SNCG: variants seen among roughly 807,000 people sequenced by gnomAD.
The protein encoded by SNCG is synuclein gamma.
In SNCG, 13 loss-of-function variants were observed where a neutral mutation model predicts 16.0. That is an observed-to-expected ratio of 0.81 (90% CI 0.53 to 1.29). The LOEUF (loss-of-function observed/expected upper bound fraction) is 1.29. SNCG is among the 50% of genes most tolerant of loss of function. SNCG has a pLI of 0.00. For missense variants in SNCG, 154 were observed against 168.5 expected, an observed-to-expected ratio of 0.91 and a Z score of 0.48; for synonymous variants, 66 against 66.3, an observed-to-expected ratio of 1.00 and a Z score of 0.02.
At chr10:86,957,697 T>C, upstream of SNCG, 1 of 1,323,682 alleles carries the variant, frequency 7.6e-7, no homozygotes, top group Non-Finnish European at 1.0e-6. Context: ...CGGTGGGTCT[T>C]GTCCTGCCCC....
chr10:86,959,930 G>A lies in SNCG; in HGVS notation c.164-71G>A. The A allele has an allele frequency of 6.5e-7, 1 of 1,546,804 alleles. No individual in the cohort carries two copies. Among genetic ancestry groups the A allele is most frequent in the Non-Finnish European group, 8.7e-7 (1 of 1,144,786 alleles). ...GGCTCTGAGCTCCTGGGAAGGGGCT[G>A]CGAGCCTGACTCCAGCAGGCCTGCC... is the stretch of plus-strand genomic sequence containing the variant. On this transcript the variant is annotated intron_variant, in intron 2 of 4. Coordinates refer to ENST00000372017, the MANE Select transcript of SNCG (RefSeq NM_003087.3). This position sits in a 1 kb window ranked among gnomAD's most constrained non-coding sequence, Gnocchi z 4.3.
upstream of SNCG, chr10:86,957,541 T>C: frequency 6.2e-7 from 1 of 1,605,844 alleles, no homozygotes; most frequent in Non-Finnish European, 8.5e-7. Context: ...CTCAGGATCA[T>C]CTTGGTGGTG....
At chr10:86,956,495 G>C (rs2133690584), upstream of SNCG, among the ~76,000 whole-genome samples, 1 of 152,338 alleles carries the variant, frequency 6.6e-6, no homozygotes, top group South Asian at 2.1e-4. Flanking sequence ...TGGTGTGTGG[G>C]GGCAGGAGGG....
chr10:86,957,254 G>GAGAT (rs772026298), upstream of SNCG: 1 of 1,004,866 alleles, frequency 1.0e-6, no homozygotes, highest in Non-Finnish European at 1.5e-6. Flanking sequence ...AGATGGCCCA[G>GAGAT]AGATAGATAC....
upstream of SNCG, chr10:86,957,676 G>A (rs1290296247): frequency 7.3e-7 from 1 of 1,364,052 alleles, no homozygotes; most frequent in African/African-American, 1.5e-5. Context: ...AGTGGCCTGG[G>A]CCGGCCTACC....
intron 3 of SNCG, 120 bp downstream of exon 3, chr10:86,960,248 C>G: frequency 1.0e-6 from 1 of 994,886 alleles, no homozygotes; most frequent in Non-Finnish European, 1.5e-6. Context: ...CGGCTGGCTT[C>G]AGTTTCAGTA....
At chr10:86,962,512 T>C (rs1382702748) in intron 3 of SNCG, 92 bp from the exon 4 acceptor site, 4 of 902,850 alleles carry the variant, frequency 4.4e-6, no homozygotes, top group Non-Finnish European at 5.2e-6. Context: ...CTGCTCCTCC[T>C]TGAGGCCAGG....
At position 86,962,684 on chromosome 10, in the gene SNCG, T is replaced by G. The variant is rs754474651; in HGVS notation, c.363+9T>G. The G allele has an allele frequency of 6.2e-7, 1 of 1,602,118 alleles. No individual in the cohort carries two copies. Among genetic ancestry groups the G allele is most frequent in the Non-Finnish European group, 8.5e-7 (1 of 1,171,050 alleles). The stretch of plus-strand genomic sequence containing the variant: ...AGGAAGTGGCAGAGGAGGTAGGAGC[T>G]GGGCTCCTGGGGTGCACCATGGGGG... On this transcript the variant is annotated intron_variant, in intron 4 of 4. Coordinates refer to ENST00000372017, the MANE Select transcript of SNCG (RefSeq NM_003087.3).
At chr10:86,960,405 GGCTCTCA>G (rs1339406849) in intron 3 of SNCG, among the ~76,000 whole-genome samples, 5 of 152,142 alleles carry the variant, frequency 3.3e-5, no homozygotes, top group African/African-American at 9.7e-5. Flanking sequence ...TCTTCCGGAC[GGCTCTCA>G]GCACTTAGGA....
At chr10:86,960,436 A>G (rs1339653352) in intron 3 of SNCG, among the ~76,000 whole-genome samples, 1 of 152,150 alleles carries the variant, frequency 6.6e-6, no homozygotes, top group African/African-American at 2.4e-5. Flanking sequence ...ACCCCATTTT[A>G]TAAGTGAAAA....
Position 86,963,109 on chromosome 10 carries a change from C to T in SNCG, c.*124C>T. 2 of 987,372 alleles carry T rather than the reference C, an allele frequency of 2.0e-6. No homozygotes were observed. The highest frequency in any genetic ancestry group is 2.4e-4 in the Middle Eastern group (1 of 4,208). The allele number at this position is 987,372 out of a possible 1,614,324, so 61.2% of individuals were successfully genotyped here. On this transcript the variant is annotated 3_prime_UTR_variant, in exon 5 of 5. Coordinates refer to ENST00000372017, the MANE Select transcript of SNCG (RefSeq NM_003087.3). ...CTGCCCACGCTCCTGCCCTCGTCTC[C>T]CTGGCCACCCTTGGCCTGTCCACCT... is the stretch of plus-strand genomic sequence containing the variant.
At chr10:86,962,401 C>T (rs918652726) in intron 3 of SNCG, among the ~76,000 whole-genome samples, 3 of 152,048 alleles carry the variant, frequency 2.0e-5, no homozygotes, top group Non-Finnish European at 2.9e-5. Flanking sequence ...TACTTGGTGC[C>T]CCTGGAAGGC....
intron 3 of SNCG, 69 bp downstream of exon 3, chr10:86,960,197 A>T (rs1287726525): frequency 6.8e-7 from 1 of 1,466,154 alleles, no homozygotes; most frequent in African/African-American, 1.4e-5. Flanking sequence ...CGGAGGCGGC[A>T]TCACTCCACT....
At position 86,959,969 on chromosome 10, in the gene SNCG, T is replaced by G; in HGVS notation, c.164-32T>G. The G allele has an allele frequency of 6.4e-7, 1 of 1,568,532 alleles. No homozygotes were observed. Among genetic ancestry groups the G allele is most frequent in the Non-Finnish European group, 8.6e-7 (1 of 1,157,668 alleles). On this transcript the variant is annotated intron_variant, in intron 2 of 4. Transcript: ENST00000372017. The surrounding 1 kb of genome is among the most constrained non-coding windows in gnomAD (Gnocchi z 4.3). Reference sequence around the variant, plus strand: ...AGCAGGCCTGCCTTGGGGCTGGGGCTGGGGTGGAGGCCAGCCAGTGTCCTC... The same window carrying G: ...AGCAGGCCTGCCTTGGGGCTGGGGCGGGGGTGGAGGCCAGCCAGTGTCCTC...
At chr10:86,961,178 G>A (rs1436215826) in intron 3 of SNCG, among the ~76,000 whole-genome samples, 1 of 152,144 alleles carries the variant, frequency 6.6e-6, no homozygotes, top group Non-Finnish European at 1.5e-5. Context: ...ACTCCTCTTG[G>A]CTCTGGGGCG....
At chr10:86,962,525 A>G (rs1265034307) in intron 3 of SNCG, 79 bp from the exon 4 acceptor site, 1 of 1,025,908 alleles carries the variant, frequency 9.7e-7, no homozygotes, top group Non-Finnish European at 1.5e-6. Context: ...AGGCCAGGGT[A>G]GACAAGGCCC....
chr10:86,957,452 A>T (rs1422816442), upstream of SNCG: 2 of 1,613,604 alleles, frequency 1.2e-6, no homozygotes, highest in Non-Finnish European at 1.7e-6. Context: ...TCTGCAGATC[A>T]GAGAGGCTAG....
In SNCG at chr10:86,959,423, G is replaced by T. The variant is rs1259456302; in HGVS notation, c.122-210G>T. The stretch of plus-strand genomic sequence containing the variant: ...CCCTACCTCAGGCCTGCTCTCTCTT[G>T]TCCCCCACATTCTGTCCTGTCCCCT... On this transcript the variant is annotated intron_variant, in intron 1 of 4. Coordinates refer to ENST00000372017, the MANE Select transcript of SNCG (RefSeq NM_003087.3). The surrounding 1 kb of genome is among the most constrained non-coding windows in gnomAD (Gnocchi z 4.3). 1.7e-6 allele frequency: 1 copy of T among 601,926 alleles called. No individual in the cohort carries two copies. The allele number at this position is 601,926 out of a possible 1,614,324, so 37.3% of individuals were successfully genotyped here. A position where few individuals can be genotyped will look rare whatever the true frequency, so the allele number is the denominator to read the frequency against.
intron 1 of SNCG, 114 bp downstream of exon 1, chr10:86,958,932 C>A: frequency 8.5e-7 from 1 of 1,173,898 alleles, no homozygotes; most frequent in Non-Finnish European, 1.2e-6. Context: ...GGGGGCGAGG[C>A]CCTGGCTATC....
Sources: gnomAD v4.1 joint callset for allele counts (sites outside exome capture counted in the v4.1 genomes callset) on GRCh38, gnomAD v4.1.1 for gene constraint, Gnocchi (gnomAD v3.1) non-coding constraint, MANE v1.5 for transcripts, NCBI Gene and HGNC (gene_info 2026-07-23, HGNC 2026-07-21) for gene names.